Variants in HAPSTR1 observed in about 807,000 individuals in gnomAD.
The protein encoded by HAPSTR1 is HUWE1 associated protein modifying stress responses.
At chr16:9,101,584 C>G in the HAPSTR1 span, among the ~76,000 whole-genome samples, 1 of 152,060 alleles carries the variant, frequency 6.6e-6, no homozygotes, top group Admixed American at 6.6e-5. Flanking sequence ...GAGAAAAGAT[C>G]TGTGGACAAT....
the HAPSTR1 span, among the ~76,000 whole-genome samples, chr16:9,093,850 T>G: frequency 6.6e-6 from 1 of 152,150 alleles, no homozygotes; most frequent in African/African-American, 2.4e-5. Context: ...TGATTTTTTT[T>G]TTTGGCAAGA....
the HAPSTR1 span, chr16:9,103,710 C>A: frequency 1.5e-4 from 24 of 161,706 alleles, no homozygotes; most frequent in Non-Finnish European, 8.1e-5. Context: ...ACTTGGTTTG[C>A]TGTAGATGGT....
the HAPSTR1 span, chr16:9,104,609 T>C: frequency 1.3e-5 from 2 of 152,210 alleles, no homozygotes; most frequent in Non-Finnish European, 2.9e-5. Context: ...TTTCCCTTGA[T>C]AGTGTTTAGG....
the HAPSTR1 span, among the ~76,000 whole-genome samples, chr16:9,097,098 C>G: frequency 2.0e-5 from 3 of 152,070 alleles, no homozygotes; most frequent in African/African-American, 7.2e-5. Flanking sequence ...TGCCACCACA[C>G]CAGGCTACTT....
At chr16:9,106,162 A>G in the HAPSTR1 span, 2 of 152,224 alleles carry the variant, frequency 1.3e-5, no homozygotes, top group Non-Finnish European at 2.9e-5. Context: ...TAATGCCGGC[A>G]CTTTGGGAGG....
chr16:9,114,937 T>C, the HAPSTR1 span, among the ~76,000 whole-genome samples: 1 of 152,162 alleles, frequency 6.6e-6, no homozygotes, highest in South Asian at 2.1e-4. Flanking sequence ...GGTGCTAGCC[T>C]TGGAAAGGTT....
chr16:9,120,310 A>G, the HAPSTR1 span: 1 of 152,112 alleles, frequency 6.6e-6, no homozygotes, highest in Non-Finnish European at 1.5e-5. Flanking sequence ...AGATGACCTT[A>G]CCCCATAAGG....
chr16:9,101,267 C>G, the HAPSTR1 span, among the ~76,000 whole-genome samples: 3 of 152,202 alleles, frequency 2.0e-5, no homozygotes, highest in East Asian at 3.8e-4. Context: ...GTGACCCTCT[C>G]TACTGTTATT....
the HAPSTR1 span, chr16:9,092,170 G>A: frequency 6.4e-7 from 1 of 1,573,728 alleles, no homozygotes. Context: ...CCCCCGAGCT[G>A]CAGGAGGAGG....
chr16:9,110,685 T>C, the HAPSTR1 span: 1 of 152,270 alleles, frequency 6.6e-6, no homozygotes, highest in East Asian at 1.9e-4. Flanking sequence ...TATAGCTAAA[T>C]ATTTAGAAGT....
chr16:9,097,761 G>C, the HAPSTR1 span, among the ~76,000 whole-genome samples: 3 of 152,158 alleles, frequency 2.0e-5, no homozygotes, highest in Non-Finnish European at 4.4e-5. Flanking sequence ...ATGGCTTGTG[G>C]CTCACATCTT....
chr16:9,100,760 C>T, the HAPSTR1 span, among the ~76,000 whole-genome samples: 1 of 152,110 alleles, frequency 6.6e-6, no homozygotes, highest in African/African-American at 2.4e-5. Flanking sequence ...GTCTCGAACT[C>T]CTGACTTCAG....
At chr16:9,099,338 G>C in the HAPSTR1 span, among the ~76,000 whole-genome samples, 299 of 152,026 alleles carry the variant, frequency 2.0e-3, no homozygotes, top group African/African-American at 7.0e-3. Context: ...GCTGGGATTA[G>C]AGGTGCCTGC....
the HAPSTR1 span, chr16:9,117,084 C>T: frequency 3.4e-6 from 3 of 888,904 alleles, no homozygotes; most frequent in Non-Finnish European, 3.3e-6. Flanking sequence ...GTAGATGCCT[C>T]TTGTAATTAT....
At chr16:9,100,443 G>T in the HAPSTR1 span, among the ~76,000 whole-genome samples, 1 of 150,668 alleles carries the variant, frequency 6.6e-6, no homozygotes, top group African/African-American at 2.4e-5. Flanking sequence ...AACACCTCAC[G>T]TGGCCCCTTC....
the HAPSTR1 span, among the ~76,000 whole-genome samples, chr16:9,113,863 T>C: frequency 6.6e-6 from 1 of 152,304 alleles, no homozygotes; most frequent in East Asian, 1.9e-4. Flanking sequence ...TTGATGGCAA[T>C]GATTTAAGTG....
At chr16:9,115,896 C>T in the HAPSTR1 span, among the ~76,000 whole-genome samples, 3 of 152,168 alleles carry the variant, frequency 2.0e-5, no homozygotes, top group Non-Finnish European at 4.4e-5. Flanking sequence ...AGGTGTGAGC[C>T]ACTGCGCCTG....
chr16:9,103,956 C>A, the HAPSTR1 span: 2 of 152,060 alleles, frequency 1.3e-5, no homozygotes, highest in African/African-American at 4.8e-5. Flanking sequence ...TACAGACTTC[C>A]AAATAGAGCT....
At chr16:9,105,249 G>A in the HAPSTR1 span, 8 of 152,122 alleles carry the variant, frequency 5.3e-5, no homozygotes, top group Non-Finnish European at 7.3e-5. Context: ...TTAAATATAA[G>A]GCTTTGTCTA....
Sources: allele counts gnomAD v4.1 joint callset (sites outside exome capture counted in the v4.1 genomes callset), GRCh38; gene constraint gnomAD v4.1.1; transcripts MANE v1.5; gene names NCBI Gene and HGNC (gene_info 2026-07-23, HGNC 2026-07-21).